Variants in EEF2 observed in about 807,000 individuals in gnomAD.
EEF2 encodes the protein eukaryotic translation elongation factor 2, also known as elongation factor 2.
EEF2 carries 21 observed loss-of-function variants against 85.3 expected under a neutral mutation model. That is an observed-to-expected ratio of 0.25 (90% CI 0.17 to 0.35). The LOEUF (loss-of-function observed/expected upper bound fraction) is 0.35, where lower values mean the gene tolerates loss of function less well. EEF2 is among the 10% of genes least tolerant of loss of function. The pLI, the probability that EEF2 is intolerant of heterozygous loss-of-function variation, is 1.00. For synonymous variants in EEF2, 723 were observed against 508.8 expected (o/e 1.42, Z -5.67); for missense variants, 825 against 1,225.3 (o/e 0.67, Z 4.88).
chr19:3,984,040 C>T (rs1599198591), intron 2 of EEF2, 96 bp downstream of exon 2: 7 of 1,305,792 alleles, frequency 5.4e-6, no homozygotes, highest in Admixed American at 1.9e-5. Flanking sequence ...GGGAAAGAGA[C>T]GTTGCCAAGT....
chr19:3,981,263 C>T, intron 7 of EEF2, 76 bp downstream of exon 7: 8 of 1,441,652 alleles, frequency 5.5e-6, no homozygotes, highest in Non-Finnish European at 7.8e-6. Flanking sequence ...CTTCAGCCCC[C>T]AGGCCTGGGC....
intron 2 of EEF2, 118 bp from the exon 3 acceptor site, chr19:3,983,409 C>T: frequency 1.8e-6 from 2 of 1,102,930 alleles, no homozygotes; most frequent in Non-Finnish European, 1.3e-6. Context: ...GGAGAGGCTC[C>T]CACAAGAGCC....
chr19:3,982,793 AG>A lies in EEF2; in HGVS notation c.612+13del. ...GCTGCGGCAAGCCCACCACCCAGCT[AG>A]GGAGGGCCGTACCATGATGTTGCCC... On this transcript the variant is annotated intron_variant, in intron 4 of 14. Transcript: ENST00000309311. 2 of 1,604,610 alleles carry A rather than the reference AG, an allele frequency of 1.2e-6. No individual in the cohort carries two copies. The highest frequency in any genetic ancestry group is 1.3e-5 in the African/African-American group (1 of 74,832).
At chr19:3,981,877 C>T (rs2145363519) in intron 6 of EEF2, 70 bp downstream of exon 6, 1 of 1,443,274 alleles carries the variant, frequency 6.9e-7, no homozygotes, top group Non-Finnish European at 9.6e-7. Flanking sequence ...CGACAGGCTA[C>T]CGGCCGGAGC....
Position 3,984,319 on chromosome 19 carries a change from AT to A in EEF2, c.34del (p.Ile12SerfsTer24). ...VNFTVDQIRA[I>X]MDKKANIRNM... ...GCGGATGTTGGCCTTCTTGTCCATG[AT>A]GGCGCGGATCTGGTCTACCGTGAAG... On this transcript the variant is annotated frameshift_variant, in exon 2 of 15. Coordinates refer to ENST00000309311, the MANE Select transcript of EEF2 (RefSeq NM_001961.4). LOFTEE classifies it high-confidence loss of function. 1 of 1,614,166 alleles carries A rather than the reference AT, an allele frequency of 6.2e-7. No homozygotes were observed. Among genetic ancestry groups the A allele is most frequent in the Non-Finnish European group, 8.5e-7 (1 of 1,180,030 alleles).
intron 6 of EEF2, among the ~76,000 whole-genome samples, chr19:3,981,654 G>T (rs2039748976): frequency 6.6e-6 from 1 of 152,214 alleles, no homozygotes; most frequent in African/African-American, 2.4e-5. Flanking sequence ...AGAGGAAAAA[G>T]CCCACTCTGA....
At chr19:3,985,276 C>A (rs532386451) in intron 1 of EEF2, 102 bp downstream of exon 1, 19 of 1,264,740 alleles carry the variant, frequency 1.5e-5, no homozygotes, top group Middle Eastern at 2.1e-4. Flanking sequence ...GCCGCTACGT[C>A]TCCTCCTGGC....
intron 14 of EEF2, 140 bp from the exon 15 acceptor site, chr19:3,976,887 C>G (rs1274011531): frequency 9.2e-7 from 1 of 1,081,402 alleles, no homozygotes; most frequent in South Asian, 1.7e-5. Flanking sequence ...CAGCACTTCA[C>G]GAAGGGCCTA....
Position 3,977,356 on chromosome 19 carries a change from AG to A in EEF2, c.2251-10del. ...ACCACCTGCTCTGGACACTGCCAGA[AG>A]GGAAAGAAAACCTGTCAGTGGCCGC... On this transcript the variant is annotated splice_polypyrimidine_tract_variant and intron_variant, in intron 13 of 14. Coordinates refer to ENST00000309311, the MANE Select transcript of EEF2 (RefSeq NM_001961.4). This position sits in a 1 kb window ranked among gnomAD's most constrained non-coding sequence, Gnocchi z 5.4. The A allele has an allele frequency of 1.3e-6, 2 of 1,590,992 alleles. No individual in the cohort carries two copies. Among genetic ancestry groups the A allele is most frequent in the Non-Finnish European group, 1.7e-6 (2 of 1,169,134 alleles).
At chr19:3,982,682 TTC>T (rs1399320479) in intron 4 of EEF2, 123 bp downstream of exon 4, 8 of 1,204,422 alleles carry the variant, frequency 6.6e-6, no homozygotes, top group East Asian at 5.0e-5. Context: ...TCCAGCCCCC[TTC>T]TCTGTCACCC....
chr19:3,983,489 C>G (rs2039780843), intron 2 of EEF2, among the ~76,000 whole-genome samples, 198 bp from the exon 3 acceptor site: 1 of 152,064 alleles, frequency 6.6e-6, no homozygotes, highest in Admixed American at 6.5e-5. Flanking sequence ...TGGTACCAGC[C>G]CCATAGCCAG....
chr19:3,981,070 CAA>C (rs2039740110), intron 7 of EEF2, 91 bp from the exon 8 acceptor site: 2 of 1,487,694 alleles, frequency 1.3e-6, no homozygotes, highest in East Asian at 4.9e-5. Flanking sequence ...CCAAGGAAGC[CAA>C]AGTCAGGACT....
intron 10 of EEF2, 27 bp from the exon 11 acceptor site, chr19:3,979,463 A>C: frequency 6.3e-7 from 1 of 1,597,902 alleles, no homozygotes; most frequent in Non-Finnish European, 8.6e-7. Flanking sequence ...TCAGCACCAA[A>C]GGGGTAGGCG....
chr19:3,985,440 A>G lies in EEF2; in HGVS notation c.-60T>C. On this transcript the variant is annotated 5_prime_UTR_variant, in exon 1 of 15. Coordinates refer to ENST00000309311, the MANE Select transcript of EEF2 (RefSeq NM_001961.4). ...CCGAAAGAAGCGAGTCGCGCCGAGG[A>G]TGGCGGCGACGACGGCGGAAGAGAA... The G allele has an allele frequency of 1.4e-6, 2 of 1,449,108 alleles. No individual in the cohort carries two copies. Among genetic ancestry groups the G allele is most frequent in the Non-Finnish European group, 1.8e-6 (2 of 1,095,032 alleles). 89.8% of individuals were successfully genotyped at this position (1,449,108 alleles called of 1,614,324 possible). A position where few individuals can be genotyped will look rare whatever the true frequency, so the allele number is the denominator to read the frequency against.
In EEF2 at chr19:3,978,155, G is replaced by A. The variant is rs1204764249; in HGVS notation, c.1731C>T (p.Val577=). 2.8e-6 allele frequency: 4 copies of A among 1,452,640 alleles called. No homozygotes were observed. Among genetic ancestry groups the A allele is most frequent in the East Asian group, 2.5e-5 (1 of 39,492 alleles). The allele number at this position is 1,452,640 out of a possible 1,614,324, so 90.0% of individuals were successfully genotyped here. A position where few individuals can be genotyped will look rare whatever the true frequency, so the allele number is the denominator to read the frequency against. ...CTTCACTGACCGTCTCGCGGTACGAGACGACCGGGTCAGATTTCTGCAAAA... is the reference window on the plus strand; with the variant it reads ...CTTCACTGACCGTCTCGCGGTACGAAACGACCGGGTCAGATTTCTGCAAAA... ...CIPIKKSDPV[V]SYRETVSEES... The change falls in exon 12 of 15, where the codon GTC becomes GTT. Residue 577 remains valine (V), a synonymous_variant. Coordinates refer to ENST00000309311, the MANE Select transcript of EEF2 (RefSeq NM_001961.4).
chr19:3,976,980 T>G (rs1030449936), intron 14 of EEF2, among the ~76,000 whole-genome samples: 2 of 152,268 alleles, frequency 1.3e-5, no homozygotes, highest in Non-Finnish European at 2.9e-5. Context: ...GCCCAGGGCG[T>G]AGGCCTTCAG....
chr19:3,983,309 T>A lies in EEF2; in HGVS notation c.219-18A>T, dbSNP rs748432436. 1 of 1,609,258 alleles carries A rather than the reference T, an allele frequency of 6.2e-7. No homozygotes were observed. Among genetic ancestry groups the A allele is most frequent in the Non-Finnish European group, 8.5e-7 (1 of 1,177,394 alleles). ...AGATGGCACTGATGGAGGGAGGGAC[T>A]CGTCAGGGGGACAGGAGCCACACAC... On this transcript the variant is annotated intron_variant, in intron 2 of 14. Coordinates refer to ENST00000309311, the MANE Select transcript of EEF2 (RefSeq NM_001961.4).
In EEF2 at chr19:3,982,368, G is replaced by A. The variant is rs146498635; in HGVS notation, c.669C>T (p.Phe223=). 1.9e-6 allele frequency: 3 copies of A among 1,614,120 alleles called. No homozygotes were observed. Among genetic ancestry groups the A allele is most frequent in the South Asian group, 2.2e-5 (2 of 91,088 alleles). ...ACATCTCGGCAAACTGCTTCAGGGTGAAGGCCCACCCGTGGAGGCCAGACC... is the reference window on the plus strand; with the variant it reads ...ACATCTCGGCAAACTGCTTCAGGGTAAAGGCCCACCCGTGGAGGCCAGACC... ...GFGSGLHGWA[F]TLKQFAEMYV... Residue 223 remains phenylalanine, a synonymous_variant, in exon 5 of 15, where the codon TTC becomes TTT. Coordinates refer to ENST00000309311, the MANE Select transcript of EEF2 (RefSeq NM_001961.4).
Position 3,983,043 on chromosome 19 carries a change from C to T in EEF2, c.401-25G>A, listed in dbSNP as rs200159568. 91 of 1,611,632 alleles carry T rather than the reference C, an allele frequency of 5.6e-5. No individual in the cohort carries two copies. The African/African-American group carries it at 1.0e-3, about 18-fold the overall frequency. On this transcript the variant is annotated intron_variant, in intron 3 of 14. Coordinates refer to ENST00000309311, the MANE Select transcript of EEF2 (RefSeq NM_001961.4). ...CCTGGGGACACGGGGGACAGGGCGG[C>T]GCTGTCATCCTCAAGCAAGGATGGC...
Sources: allele counts gnomAD v4.1 joint callset (sites outside exome capture counted in the v4.1 genomes callset), GRCh38; gene constraint gnomAD v4.1.1; non-coding constraint Gnocchi (gnomAD v3.1); transcripts MANE v1.5; gene names NCBI Gene and HGNC (gene_info 2026-07-23, HGNC 2026-07-21).